The following MMEL1 variants were observed in gnomAD, a reference collection of about 807,000 sequenced individuals.
The protein encoded by MMEL1 is membrane metalloendopeptidase like 1.
In MMEL1, 98 loss-of-function variants were observed where a neutral mutation model predicts 117.1. The observed-to-expected ratio is 0.84, with a 90% CI of 0.71 to 0.99. MMEL1 has a LOEUF of 0.99. Ranked by LOEUF, MMEL1 falls within the 50% of genes least tolerant of loss-of-function variation. The probability of loss-of-function intolerance (pLI) is 0.00; values close to 1 mark genes in which losing one functional copy is unlikely to be tolerated. For synonymous variants in MMEL1, 390 were observed against 415.1 expected (o/e 0.94, Z 0.74); for missense variants, 1,014 against 1,049.1 (o/e 0.97, Z 0.46).
At chr1:2,607,829 A>G (rs1645054563) in intron 6 of MMEL1, among the ~76,000 whole-genome samples, 1 of 151,932 alleles carries the variant, frequency 6.6e-6, no homozygotes, top group East Asian at 1.9e-4. Flanking sequence ...CTAGGGTCCT[A>G]TGCTGGAGGA....
chr1:2,590,891 C>A lies in MMEL1; in HGVS notation c.*99G>T, dbSNP rs546601920. 8.2e-6 allele frequency: 8 copies of A among 970,284 alleles called. No homozygotes were observed. The highest frequency in any genetic ancestry group is 1.7e-5 in the African/African-American group (1 of 58,486). 60.1% of individuals were successfully genotyped at this position (970,284 alleles called of 1,614,324 possible). ...GGCAGGCAGGCTTGGCATGGTTGGCCGGGGCGGGACGTACACTGGGTCGCC... is the reference window on the plus strand; with the variant it reads ...GGCAGGCAGGCTTGGCATGGTTGGCAGGGGCGGGACGTACACTGGGTCGCC... On this transcript the variant is annotated 3_prime_UTR_variant, in exon 24 of 24. Coordinates refer to ENST00000378412, the MANE Select transcript of MMEL1 (RefSeq NM_033467.4).
chr1:2,605,542 G>T lies in MMEL1; in HGVS notation c.816+16C>A. ...GATGGGGGGGTCATCTGGCATTGCGGTGAGGACCCACCCACCTTCCGGTTG... is the reference window on the plus strand; with the variant it reads ...GATGGGGGGGTCATCTGGCATTGCGTTGAGGACCCACCCACCTTCCGGTTG... On this transcript the variant is annotated intron_variant, in intron 9 of 23. Transcript: ENST00000378412. 2 of 1,609,494 alleles carry T rather than the reference G, an allele frequency of 1.2e-6. No homozygotes were observed. The highest frequency in any genetic ancestry group is 2.2e-5 in the South Asian group (2 of 90,840).
intron 13 of MMEL1, 82 bp downstream of exon 13, chr1:2,598,125 G>A: frequency 7.5e-7 from 1 of 1,329,160 alleles, no homozygotes; most frequent in Non-Finnish European, 1.1e-6. Flanking sequence ...GTGGACCTCG[G>A]TGTTTGCCTA....
chr1:2,624,815 T>C (rs1284888480), intron 2 of MMEL1, among the ~76,000 whole-genome samples: 1 of 152,204 alleles, frequency 6.6e-6, no homozygotes, highest in Non-Finnish European at 1.5e-5. Flanking sequence ...AGAGGTTTCA[T>C]TGACTCCCAG....
At chr1:2,608,516 TATACACACATACAC>T (rs975908478) in intron 6 of MMEL1, among the ~76,000 whole-genome samples, 14 of 143,972 alleles carry the variant, frequency 9.7e-5, no homozygotes, top group Non-Finnish European at 1.4e-4. Flanking sequence ...ACATAACACA[TATACACACATACAC>T]ATACACACAT....
intron 11 of MMEL1, among the ~76,000 whole-genome samples, chr1:2,601,992 G>A (rs1644939950): frequency 6.6e-6 from 1 of 152,196 alleles, no homozygotes; most frequent in South Asian, 2.1e-4. Flanking sequence ...ACAGATGCGT[G>A]TGCTTCCACC....
chr1:2,608,932 C>A (rs565045911), intron 6 of MMEL1, among the ~76,000 whole-genome samples: 102 of 151,874 alleles, frequency 6.7e-4, no homozygotes, highest in African/African-American at 2.1e-3. Flanking sequence ...CACGTATACA[C>A]ATATACATAC....
chr1:2,604,601 G>T (rs1452379797), intron 9 of MMEL1, among the ~76,000 whole-genome samples: 1 of 152,152 alleles, frequency 6.6e-6, no homozygotes, highest in East Asian at 1.9e-4. Context: ...TGGGGTGCCA[G>T]GGCTAACTTG....
rs1645095640 is a variant in MMEL1, at chr1:2,609,677, G to C, written c.447C>G (p.Ile149Met). 2.5e-6 allele frequency: 4 copies of C among 1,609,030 alleles called. No homozygotes were observed. The highest frequency in any genetic ancestry group is 3.4e-6 in the Non-Finnish European group (4 of 1,177,402). Residue 149 changes from isoleucine to methionine, a missense_variant, in exon 5 of 24, where the codon ATC becomes ATG. Physicochemically the swap from Ile to Met is conservative, Grantham distance 10. Coordinates refer to ENST00000378412, the MANE Select transcript of MMEL1 (RefSeq NM_033467.4). ...CCGGCCGTGCTCTGCCACCTTTGAG[G>C]ATGACCTCCAGCTCGTCGCGGAGGA... is the stretch of plus-strand genomic sequence containing the variant. Reference protein sequence around the residue: ...FDVLRDELEVILKAVLENSTA... With the variant: ...FDVLRDELEVMLKAVLENSTA...
At position 2,603,947 on chromosome 1, in the gene MMEL1, G is replaced by C. The variant is rs748484240; in HGVS notation, c.978C>G (p.His326Gln). 3 of 1,613,876 alleles carry C rather than the reference G, an allele frequency of 1.9e-6. No homozygotes were observed. The Admixed American group carries it at 5.0e-5, about 27-fold the overall frequency. Reference sequence around the variant, plus strand: ...TCCGGTGGTACAAGGCGATGACGTCGTGTCTCTCCTCCTGGGGTACCGTGG... The same window carrying C: ...TCCGGTGGTACAAGGCGATGACGTCCTGTCTCTCCTCCTGGGGTACCGTGG... ...AKATVPQEER[H>Q]DVIALYHRMG... The change falls in exon 11 of 24, where the codon CAC becomes CAG. Residue 326 changes from histidine (H) to glutamine (Q), a missense_variant. Coordinates refer to ENST00000378412, the MANE Select transcript of MMEL1 (RefSeq NM_033467.4).
chr1:2,591,786 G>A (rs1391096304), intron 22 of MMEL1, 146 bp downstream of exon 22: 1 of 1,050,878 alleles, frequency 9.5e-7, no homozygotes, highest in African/African-American at 1.6e-5. Flanking sequence ...TTGAAATCCT[G>A]TCCAGCTCCC....
At chr1:2,626,320 T>C in intron 2 of MMEL1, among the ~76,000 whole-genome samples, 1 of 152,186 alleles carries the variant, frequency 6.6e-6, no homozygotes. Flanking sequence ...TGATAATGCC[T>C]CCTCATGATC....
chr1:2,606,838 G>T, intron 7 of MMEL1, 136 bp downstream of exon 7: 2 of 764,336 alleles, frequency 2.6e-6, no homozygotes, highest in Non-Finnish European at 4.3e-6. Flanking sequence ...CGGCTGGGTT[G>T]GGCCTCTTGG....
intron 6 of MMEL1, among the ~76,000 whole-genome samples, chr1:2,607,907 G>A (rs903380361): frequency 2.0e-5 from 3 of 152,160 alleles, no homozygotes; most frequent in Non-Finnish European, 2.9e-5. Flanking sequence ...GCCGGATGCC[G>A]TGGGGAGTGC....
At position 2,612,244 on chromosome 1, in the gene MMEL1, G is replaced by A; in HGVS notation, c.155-40C>T. The A allele has an allele frequency of 6.5e-7, 1 of 1,534,676 alleles. No individual in the cohort carries two copies. ...AGCGCTCAGCTGCGGCCTCCTGCCT[G>A]CAGCTCCCTGGGGGTGCTGGGGGCC... On this transcript the variant is annotated intron_variant, in intron 2 of 23. Coordinates refer to ENST00000378412, the MANE Select transcript of MMEL1 (RefSeq NM_033467.4). This position sits in a 1 kb window ranked among gnomAD's most constrained non-coding sequence, Gnocchi z 5.4.
chr1:2,592,899 C>T lies in MMEL1; in HGVS notation c.1935G>A (p.Arg645=). The T allele has an allele frequency of 1.9e-6, 3 of 1,613,814 alleles. No homozygotes were observed. The South Asian group carries it at 3.3e-5, about 18-fold the overall frequency. ...WWSNFSTQHF[R]EQSECMIYQY... ...GGTAGATCATGCACTCTGACTGCTC[C>T]CGGAAGTGCTGGGTGGAGAAGTTAC... The change falls in exon 20 of 24, where the codon CGG becomes CGA. Residue 645 remains arginine (R), a synonymous_variant. Coordinates refer to ENST00000378412, the MANE Select transcript of MMEL1 (RefSeq NM_033467.4).
Position 2,604,445 on chromosome 1 carries a change from C to T in MMEL1, c.817-164G>A, listed in dbSNP as rs74047741. 6.4e-3 allele frequency among the ~76,000 whole-genome samples: 972 copies of T among 152,292 alleles called. 18 individuals carry two copies. Among genetic ancestry groups the T allele is most frequent in the African/African-American group, 0.022 (912 of 41,564 alleles). ...GGGCACACAGAGTGCCGAGTGGGAG[C>T]GTCTCAGACGCGTGACCTGTGCCCG... On this transcript the variant is annotated intron_variant, in intron 9 of 23. Transcript: ENST00000378412.
At chr1:2,627,857 C>T (rs1638344814) in intron 2 of MMEL1, among the ~76,000 whole-genome samples, 1 of 152,164 alleles carries the variant, frequency 6.6e-6, no homozygotes. Flanking sequence ...GCTCTGCCGC[C>T]CTGGAGGGAG....
At chr1:2,616,657 G>T (rs1409601151) in intron 2 of MMEL1, among the ~76,000 whole-genome samples, 1 of 152,218 alleles carries the variant, frequency 6.6e-6, no homozygotes, top group Non-Finnish European at 1.5e-5. Flanking sequence ...GGGAAGACCA[G>T]ATTGGTGGGC....
Sources: allele counts gnomAD v4.1 joint callset (sites outside exome capture counted in the v4.1 genomes callset), GRCh38; gene constraint gnomAD v4.1.1; non-coding constraint Gnocchi (gnomAD v3.1); transcripts MANE v1.5; gene names NCBI Gene and HGNC (gene_info 2026-07-23, HGNC 2026-07-21).